UGCG: variants seen among roughly 807,000 people sequenced by gnomAD.
UGCG encodes UDP-glucose ceramide glucosyltransferase, also known as ceramide glucosyltransferase.
UGCG carries 10 observed loss-of-function variants against 49.5 expected under a neutral mutation model. The observed-to-expected ratio is 0.20, with a 90% CI of 0.12 to 0.34. The LOEUF is 0.34. Among genes scored for constraint, UGCG ranks in the 10% least tolerant of loss-of-function variants. The pLI, the probability that UGCG is intolerant of heterozygous loss-of-function variation, is 1.00. For synonymous variants in UGCG, 182 were observed against 158.2 expected (o/e 1.15, Z -1.13); for missense variants, 312 against 483.7 (o/e 0.65, Z 3.33).
intron 1 of UGCG, among the ~76,000 whole-genome samples, chr9:111,911,075 T>C (rs1419061822): frequency 6.6e-6 from 1 of 152,166 alleles, no homozygotes; most frequent in African/African-American, 2.4e-5. Flanking sequence ...TCTATTTCAC[T>C]GAGGACTGAA....
chr9:111,913,474 C>T (rs896705414), intron 1 of UGCG, among the ~76,000 whole-genome samples: 1 of 152,114 alleles, frequency 6.6e-6, no homozygotes, highest in Non-Finnish European at 1.5e-5. Flanking sequence ...CACTCTGTCA[C>T]CCAGGCTGGA....
At chr9:111,907,870 C>T (rs1226798239) in intron 1 of UGCG, among the ~76,000 whole-genome samples, 1 of 152,170 alleles carries the variant, frequency 6.6e-6, no homozygotes, top group East Asian at 1.9e-4. Context: ...CTCAAATTAT[C>T]CTCCCGCCTT....
chr9:111,931,380 A>AAAGAAAACAG (rs748126083), intron 7 of UGCG, 23 bp downstream of exon 7: 23 of 1,609,220 alleles, frequency 1.4e-5, no homozygotes, highest in Non-Finnish European at 1.9e-5. Flanking sequence ...TTTTCTTTTT[A>AAAGAAAACAG]TACTTCGTTA....
At chr9:111,901,314 G>A (rs1319035617) in intron 1 of UGCG, among the ~76,000 whole-genome samples, 1 of 152,156 alleles carries the variant, frequency 6.6e-6, no homozygotes, top group African/African-American at 2.4e-5. Flanking sequence ...AATACTTGGT[G>A]TTCCAAGCCT....
intron 1 of UGCG, among the ~76,000 whole-genome samples, chr9:111,912,755 G>T (rs1838036666): frequency 6.6e-6 from 1 of 152,144 alleles, no homozygotes; most frequent in African/African-American, 2.4e-5. Flanking sequence ...AGCAATGCTG[G>T]ACCAGACCAC....
intron 1 of UGCG, among the ~76,000 whole-genome samples, chr9:111,907,440 T>C (rs1837908149): frequency 6.6e-6 from 1 of 152,172 alleles, no homozygotes; most frequent in African/African-American, 2.4e-5. Context: ...GTTGGTCTGG[T>C]CTGCTAATTT....
intron 4 of UGCG, among the ~76,000 whole-genome samples, chr9:111,925,201 T>G (rs904993944): frequency 1.3e-5 from 2 of 152,246 alleles, no homozygotes; most frequent in Non-Finnish European, 1.5e-5. Flanking sequence ...CACTTATCTT[T>G]AATGTGTTTC....
intron 1 of UGCG, among the ~76,000 whole-genome samples, chr9:111,911,014 T>C (rs1837986875): frequency 6.6e-6 from 1 of 152,214 alleles, no homozygotes; most frequent in Non-Finnish European, 1.5e-5. Flanking sequence ...TTGAAAGTGC[T>C]GGGATTGCAG....
At chr9:111,897,446 C>A in intron 1 of UGCG, 133 bp downstream of exon 1, 2 of 676,356 alleles carry the variant, frequency 3.0e-6, no homozygotes. Flanking sequence ...TCAGGCTGTT[C>A]CCCCCGTTCC....
intron 1 of UGCG, among the ~76,000 whole-genome samples, chr9:111,898,392 T>TG (rs1046997932): frequency 3.3e-5 from 5 of 150,608 alleles, no homozygotes; most frequent in East Asian, 1.9e-4. Flanking sequence ...TTTAGTTTTT[T>TG]GGTTTTTTTT....
At chr9:111,901,492 G>T (rs181482555) in intron 1 of UGCG, among the ~76,000 whole-genome samples, 17 of 152,248 alleles carry the variant, frequency 1.1e-4, no homozygotes, top group East Asian at 9.7e-4. Context: ...GGGAAGATAC[G>T]GAATTAGACT....
Position 111,898,024 on chromosome 9 carries a change from G to T in UGCG, c.98+711G>T, listed in dbSNP as rs139622009. Among the ~76,000 whole-genome samples, 207 of 147,782 alleles carry T rather than the reference G, an allele frequency of 1.4e-3. 2 individuals are homozygous for T. In the East Asian group the frequency reaches 0.021, roughly 15 times the overall value. ...AGATACCATTCACTGTTATTGGCCA[G>T]GGGACATGGTGGTGAGCAGGACAGA... On this transcript the variant is annotated intron_variant, in intron 1 of 8. Coordinates refer to ENST00000374279, the MANE Select transcript of UGCG (RefSeq NM_003358.3).
intron 1 of UGCG, among the ~76,000 whole-genome samples, chr9:111,914,307 GGAA>G (rs1478256587): frequency 2.6e-5 from 4 of 152,160 alleles, no homozygotes; most frequent in Middle Eastern, 3.4e-3. Context: ...TGGTCGTATT[GGAA>G]GAAGAAGAAT....
chr9:111,915,824 C>T (rs974813803), intron 2 of UGCG: 1 of 983,740 alleles, frequency 1.0e-6, no homozygotes, highest in Non-Finnish European at 1.2e-6. Flanking sequence ...AGCCTTAATG[C>T]AGCACTTATT....
rs1320957526 is a variant in UGCG at position 111,922,942 on chromosome 9, T to C, written c.334T>C (p.Leu112=). ...LGKYPNVDAR[L]FIGGKKVGIN... is the part of the protein sequence containing the mutation. ...AAAATATCCAAATGTTGATGCTAGA[T>C]TGTTTATAGGTAAGTAACAAATTCT... The change falls in exon 3 of 9, where the codon TTG becomes CTG. Residue 112 remains leucine, a synonymous_variant. Coordinates refer to ENST00000374279, the MANE Select transcript of UGCG (RefSeq NM_003358.3). The C allele has an allele frequency of 1.5e-5, 24 of 1,608,892 alleles. No homozygotes were observed. Among genetic ancestry groups the C allele is most frequent in the Non-Finnish European group, 1.9e-5 (22 of 1,176,660 alleles).
chr9:111,935,001 T>A lies in UGCG; in HGVS notation c.*2004T>A, dbSNP rs1280470484. 1 of 152,224 alleles carries A rather than the reference T, an allele frequency of 6.6e-6. No individual in the cohort carries two copies. The highest frequency in any genetic ancestry group is 1.5e-5 in the Non-Finnish European group (1 of 68,044). The allele number at this position is 152,224 out of a possible 1,614,324, so 9.4% of individuals were successfully genotyped here. A position where few individuals can be genotyped will look rare whatever the true frequency, so the allele number is the denominator to read the frequency against. On this transcript the variant is annotated 3_prime_UTR_variant, in exon 9 of 9. Coordinates refer to ENST00000374279, the MANE Select transcript of UGCG (RefSeq NM_003358.3). ...ACTGCCGAAGCGTAATCTTGTGTAT[T>A]ACTTAGCTCTCTGCTGATCTCAGTA...
chr9:111,924,661 A>C (rs1035108895), intron 3 of UGCG, 116 bp from the exon 4 acceptor site: 18 of 407,580 alleles, frequency 4.4e-5, no homozygotes, highest in African/African-American at 3.8e-4. Context: ...AAATAATATG[A>C]AAGTATGTTT....
intron 2 of UGCG, among the ~76,000 whole-genome samples, chr9:111,918,385 T>C (rs1325610396): frequency 1.3e-5 from 2 of 152,174 alleles, no homozygotes; most frequent in Non-Finnish European, 2.9e-5. Context: ...AAATAAAATA[T>C]CTCATCAAAT....
intron 3 of UGCG, 47 bp downstream of exon 3, chr9:111,922,998 G>GT (rs1419659146): frequency 1.6e-6 from 2 of 1,246,550 alleles, no homozygotes; most frequent in African/African-American, 3.0e-5. Flanking sequence ...ATAGTATTAA[G>GT]TATCAGTAAT....
Sources: allele counts gnomAD v4.1 joint callset (sites outside exome capture counted in the v4.1 genomes callset), GRCh38; gene constraint gnomAD v4.1.1; transcripts MANE v1.5; gene names NCBI Gene and HGNC (gene_info 2026-07-23, HGNC 2026-07-21).